The following FRMD6 variants were observed in gnomAD, a reference collection of about 807,000 sequenced individuals.
FRMD6 encodes FERM domain containing 6.
FRMD6 carries 37 observed loss-of-function variants against 73.2 expected under a neutral mutation model. The ratio of observed to expected loss-of-function variants is 0.51; its 90% CI spans 0.39 to 0.66. FRMD6 has a LOEUF of 0.66. Ranked by LOEUF, FRMD6 falls within the 30% of genes least tolerant of loss-of-function variation. The pLI is 0.00. For missense variants in FRMD6, 714 were observed against 780.5 expected (o/e 0.91, Z 1.02); for synonymous variants, 273 against 282.2 (o/e 0.97, Z 0.33).
At chr14:51,516,401 C>G (rs1427587023) in intron 1 of FRMD6, among the ~76,000 whole-genome samples, 1 of 151,922 alleles carries the variant, frequency 6.6e-6, no homozygotes, top group Non-Finnish European at 1.5e-5. Flanking sequence ...GGGAATATGA[C>G]TCTGGAGTAG....
At chr14:51,685,901 T>A (rs1253040601) in intron 1 of FRMD6, among the ~76,000 whole-genome samples, 1 of 152,196 alleles carries the variant, frequency 6.6e-6, no homozygotes, top group Non-Finnish European at 1.5e-5. Context: ...GTGTGATGAT[T>A]AAATTAGAAG....
chr14:51,476,303 T>C, the FRMD6 span, among the ~76,000 whole-genome samples: 4 of 152,234 alleles, frequency 2.6e-5, no homozygotes, highest in Non-Finnish European at 5.9e-5. Context: ...AATGTGGTCT[T>C]TTATGTGCTG....
chr14:51,432,672 C>T, the FRMD6 span, among the ~76,000 whole-genome samples: 84 of 152,254 alleles, frequency 5.5e-4, no homozygotes, highest in African/African-American at 2.0e-3. Context: ...TAAAAATAAC[C>T]GTAACCCTGA....
chr14:51,471,362 G>T, the FRMD6 span, among the ~76,000 whole-genome samples: 1 of 151,976 alleles, frequency 6.6e-6, no homozygotes, highest in East Asian at 1.9e-4. Context: ...TTAGCCGGGC[G>T]TGGTGGCAGG....
At chr14:51,501,072 TCCAAAAC>T in intron 1 of FRMD6, among the ~76,000 whole-genome samples, 1 of 152,228 alleles carries the variant, frequency 6.6e-6, no homozygotes, top group South Asian at 2.1e-4. Flanking sequence ...TTTCCTCTAC[TCCAAAAC>T]TCTAACAATT....
upstream of FRMD6, among the ~76,000 whole-genome samples, chr14:51,485,255 A>G (rs1882740870): frequency 6.6e-6 from 1 of 151,924 alleles, no homozygotes; most frequent in African/African-American, 2.4e-5. Flanking sequence ...CACAAGTCTC[A>G]TGTCAAGTCA....
At chr14:51,706,149 T>C (rs2140481259) in intron 6 of FRMD6, among the ~76,000 whole-genome samples, 1 of 152,260 alleles carries the variant, frequency 6.6e-6, no homozygotes, top group East Asian at 1.9e-4. Context: ...CTCCCTGTCC[T>C]GTCCCATCAA....
chr14:51,541,051 G>A (rs143172518), intron 1 of FRMD6, among the ~76,000 whole-genome samples: 105 of 152,192 alleles, frequency 6.9e-4, no homozygotes, highest in African/African-American at 2.3e-3. Context: ...TACAACTTGA[G>A]TCCCTTCTTC....
chr14:51,460,614 A>G, the FRMD6 span, among the ~76,000 whole-genome samples: 39,751 of 152,102 alleles, frequency 0.26, 5,586 homozygotes, highest in African/African-American at 0.33. Context: ...TTTTAAAGCT[A>G]GCAAAGGGTC....
chr14:51,608,363 T>C (rs939677764), intron 2 of FRMD6, among the ~76,000 whole-genome samples: 3 of 152,220 alleles, frequency 2.0e-5, no homozygotes, highest in Non-Finnish European at 4.4e-5. Flanking sequence ...TTATTGTTTG[T>C]ACACCTATCC....
At chr14:51,664,017 G>T (rs1190226680) in intron 1 of FRMD6, among the ~76,000 whole-genome samples, 1 of 152,196 alleles carries the variant, frequency 6.6e-6, no homozygotes, top group Non-Finnish European at 1.5e-5. Context: ...CGGGGATTAA[G>T]TTTCCAACAC....
chr14:51,480,566 T>G, the FRMD6 span, among the ~76,000 whole-genome samples: 1 of 152,186 alleles, frequency 6.6e-6, no homozygotes, highest in Admixed American at 6.5e-5. Context: ...TCTATGCATC[T>G]CTGTGGTTCT....
chr14:51,549,715 C>T (rs7154468), intron 1 of FRMD6, among the ~76,000 whole-genome samples: 1,694 of 150,388 alleles, frequency 0.011, 25 homozygotes, highest in African/African-American at 0.039. Flanking sequence ...CCTGCCTCAG[C>T]CTCCCGAGTA....
At chr14:51,577,255 T>C (rs1888456402) in intron 2 of FRMD6, among the ~76,000 whole-genome samples, 1 of 151,984 alleles carries the variant, frequency 6.6e-6, no homozygotes, top group South Asian at 2.1e-4. Flanking sequence ...ATAGGAGTCA[T>C]TTAACTACTC....
chr14:51,642,454 T>C (rs1420140756), intron 2 of FRMD6, among the ~76,000 whole-genome samples: 1 of 152,166 alleles, frequency 6.6e-6, no homozygotes, highest in African/African-American at 2.4e-5. Flanking sequence ...GCAGAATTGC[T>C]TGAACCCGGA....
the FRMD6 span, among the ~76,000 whole-genome samples, chr14:51,434,402 G>A: frequency 3.9e-3 from 587 of 152,274 alleles, 2 homozygotes; most frequent in East Asian, 8.7e-3. Flanking sequence ...GGAACATCTT[G>A]TGATGCCAGA....
intron 1 of FRMD6, among the ~76,000 whole-genome samples, chr14:51,518,277 T>C (rs1054466276): frequency 1.3e-5 from 2 of 152,138 alleles, no homozygotes; most frequent in African/African-American, 4.8e-5. Flanking sequence ...CAAAGGAATA[T>C]TATTTAGAAA....
At chr14:51,575,834 TA>T in intron 2 of FRMD6, 1 of 152,210 alleles carries the variant, frequency 6.6e-6, no homozygotes, top group Non-Finnish European at 1.5e-5. Flanking sequence ...TGCATCTTTA[TA>T]AACATGAACA....
chr14:51,489,731 G>A (rs969297115), intron 1 of FRMD6, among the ~76,000 whole-genome samples: 1 of 152,176 alleles, frequency 6.6e-6, no homozygotes, highest in African/African-American at 2.4e-5. Context: ...TTTGCTTACA[G>A]TGTGTGTGTT....
Sources: gnomAD v4.1 joint callset for allele counts (sites outside exome capture counted in the v4.1 genomes callset) on GRCh38, gnomAD v4.1.1 for gene constraint, MANE v1.5 for transcripts, NCBI Gene and HGNC (gene_info 2026-07-23, HGNC 2026-07-21) for gene names.